PHF14: variants seen among roughly 807,000 people sequenced by gnomAD.
The protein encoded by PHF14 is PHD finger protein 14.
In PHF14, 55 loss-of-function variants were observed where a neutral mutation model predicts 117.9. The observed-to-expected ratio is 0.47, with a 90% CI of 0.38 to 0.58. The LOEUF is 0.58. Among genes scored for constraint, PHF14 ranks in the 20% least tolerant of loss-of-function variants. The pLI is 0.00. For missense variants in PHF14, 978 were observed against 1,122.2 expected, an observed-to-expected ratio of 0.87 and a Z score of 1.84; for synonymous variants, 409 against 368.6, an observed-to-expected ratio of 1.11 and a Z score of -1.26.
rs374988340 is a variant in PHF14 at position 11,136,884 on chromosome 7, A to C, written c.2772+25417A>C. ...CATAATTATTTTAATTACTTAAAAA[A>C]AATTATGAACTAGCACATGCTTATT... On this transcript the variant is annotated intron_variant, in intron 17 of 17. Transcript: ENST00000634607. Among the ~76,000 whole-genome samples, 20 of 152,220 alleles carry C rather than the reference A, an allele frequency of 1.3e-4. No individual in the cohort carries two copies. In the East Asian group the frequency reaches 1.5e-3, roughly 12 times the overall value.
At chr7:10,986,184 A>G (rs1349245273) in intron 3 of PHF14, among the ~76,000 whole-genome samples, 3 of 144,904 alleles carry the variant, frequency 2.1e-5, no homozygotes, top group African/African-American at 5.1e-5. Flanking sequence ...GTATATCACT[A>G]TGTTGCCCAG....
At chr7:11,104,594 A>T (rs1457286465) in intron 16 of PHF14, 2 of 983,806 alleles carry the variant, frequency 2.0e-6, no homozygotes, top group African/African-American at 3.5e-5. Context: ...GAAACATGAA[A>T]ATATCAGGAA....
At chr7:11,041,245 A>G (rs1379269172) in intron 12 of PHF14, among the ~76,000 whole-genome samples, 2 of 151,922 alleles carry the variant, frequency 1.3e-5, no homozygotes, top group African/African-American at 2.4e-5. Flanking sequence ...CTCAGTTGCA[A>G]TCACTTTGTT....
intron 17 of PHF14, among the ~76,000 whole-genome samples, chr7:11,146,680 ATGTT>A (rs1562485608): frequency 3.9e-5 from 6 of 152,272 alleles, no homozygotes; most frequent in Admixed American, 3.3e-4. Flanking sequence ...GAACTCTACT[ATGTT>A]TGAGATTTTC....
intron 10 of PHF14, among the ~76,000 whole-genome samples, 164 bp from the exon 11 acceptor site, chr7:11,038,596 T>G (rs1248321230): frequency 6.6e-6 from 1 of 151,028 alleles, no homozygotes; most frequent in Non-Finnish European, 1.5e-5. Flanking sequence ...AGGCGGAGGT[T>G]GTAGTGAGCC....
intron 5 of PHF14, among the ~76,000 whole-genome samples, chr7:11,019,474 T>G (rs1335738452): frequency 6.6e-6 from 1 of 152,210 alleles, no homozygotes; most frequent in Admixed American, 6.5e-5. Flanking sequence ...CTTGGTAGGT[T>G]GTATGTGTCT....
intron 17 of PHF14, among the ~76,000 whole-genome samples, chr7:11,165,274 T>C (rs772779326): frequency 1.1e-4 from 16 of 152,186 alleles, no homozygotes; most frequent in Non-Finnish European, 1.6e-4. Flanking sequence ...AGGGTTTATC[T>C]GATGTTTTCT....
intron 10 of PHF14, among the ~76,000 whole-genome samples, chr7:11,038,386 G>A (rs117631582): frequency 0.02 from 2,980 of 147,826 alleles, 37 homozygotes; most frequent in Middle Eastern, 0.046. Context: ...ACACAAGATC[G>A]TGCTACTGCA....
At chr7:11,158,209 C>G (rs1788922776) in intron 17 of PHF14, among the ~76,000 whole-genome samples, 1 of 152,104 alleles carries the variant, frequency 6.6e-6, no homozygotes. Flanking sequence ...GTCATTATGT[C>G]TCCTCAATCT....
At position 11,161,914 on chromosome 7, in the gene PHF14, T is replaced by C. The variant is rs1435877613; in HGVS notation, c.2773-7502T>C. 4.6e-5 allele frequency among the ~76,000 whole-genome samples: 7 copies of C among 150,808 alleles called. No homozygotes were observed. The South Asian group carries it at 1.2e-3, about 27-fold the overall frequency. On this transcript the variant is annotated intron_variant, in intron 17 of 17. Coordinates refer to ENST00000634607, the MANE Select transcript of PHF14 (RefSeq NM_001007157.2). ...ACACTTCATGCGTATTTCCCAGATA[T>C]TAGTAGTTTACTACCTGAAGGAAAA...
At chr7:11,038,532 C>A (rs1784388939) in intron 10 of PHF14, among the ~76,000 whole-genome samples, 1 of 151,512 alleles carries the variant, frequency 6.6e-6, no homozygotes, top group African/African-American at 2.4e-5. Flanking sequence ...GTGGTGCACA[C>A]CTGTAGTCCC....
intron 16 of PHF14, among the ~76,000 whole-genome samples, chr7:11,085,201 G>T (rs116116644): frequency 0.014 from 2,101 of 152,144 alleles, 42 homozygotes; most frequent in African/African-American, 0.048. Flanking sequence ...TGCTTGACAT[G>T]TTTTAAAGAT....
At chr7:11,148,183 A>G (rs1788605714) in intron 17 of PHF14, among the ~76,000 whole-genome samples, 1 of 152,140 alleles carries the variant, frequency 6.6e-6, no homozygotes, top group Non-Finnish European at 1.5e-5. Flanking sequence ...ATTTCTACCC[A>G]TCTTTCTCTA....
intron 13 of PHF14, among the ~76,000 whole-genome samples, chr7:11,047,841 AGAAG>A (rs1299838289): frequency 8.8e-6 from 1 of 113,044 alleles, no homozygotes; most frequent in East Asian, 3.1e-4. Flanking sequence ...AAGGAAGGAA[AGAAG>A]GGAGGGAGGG....
intron 5 of PHF14, among the ~76,000 whole-genome samples, chr7:11,016,204 A>G (rs1783528134): frequency 6.6e-6 from 1 of 152,150 alleles, no homozygotes; most frequent in Non-Finnish European, 1.5e-5. Context: ...GCTAATGTCT[A>G]CACTTACCTG....
At chr7:11,056,608 T>C (rs1043800353) in intron 14 of PHF14, among the ~76,000 whole-genome samples, 2 of 152,024 alleles carry the variant, frequency 1.3e-5, no homozygotes, top group African/African-American at 4.8e-5. Flanking sequence ...ACCTTGTTCA[T>C]AATTTGTTTT....
intron 16 of PHF14, among the ~76,000 whole-genome samples, chr7:11,084,608 T>C (rs1786307751): frequency 6.6e-6 from 1 of 152,184 alleles, no homozygotes; most frequent in African/African-American, 2.4e-5. Flanking sequence ...CATAATTTAC[T>C]GTAATATTTC....
At chr7:11,063,313 G>A (rs550687440) in intron 16 of PHF14, 917 of 983,914 alleles carry the variant, frequency 9.3e-4, no homozygotes, top group Non-Finnish European at 1.1e-3. Context: ...CCAAGTTCAG[G>A]AGATACACCT....
At chr7:11,000,621 G>A (rs1185982970) in intron 4 of PHF14, among the ~76,000 whole-genome samples, 1 of 152,142 alleles carries the variant, frequency 6.6e-6, no homozygotes, top group African/African-American at 2.4e-5. Flanking sequence ...TTACAGGCGT[G>A]AGCCACCACA....
Sources: gnomAD v4.1 joint callset for allele counts (sites outside exome capture counted in the v4.1 genomes callset) on GRCh38, gnomAD v4.1.1 for gene constraint, MANE v1.5 for transcripts, NCBI Gene and HGNC (gene_info 2026-07-23, HGNC 2026-07-21) for gene names.